Variants in RORA observed in about 807,000 individuals in gnomAD.
The protein encoded by RORA is RAR related orphan receptor A.
In RORA, 7 loss-of-function variants were observed where a neutral mutation model predicts 69.5. That is an observed-to-expected ratio of 0.10 (90% CI 0.06 to 0.19). RORA has a LOEUF of 0.19. Ranked by LOEUF, RORA falls within the 10% of genes least tolerant of loss-of-function variation. The pLI is 1.00. For missense variants in RORA, 457 were observed against 663.0 expected (o/e 0.69, Z 3.41); for synonymous variants, 261 against 240.8 (o/e 1.08, Z -0.78).
chr15:60,964,741 G>C lies in RORA; in HGVS notation c.166+264312C>G, dbSNP rs146335023. The stretch of plus-strand genomic sequence containing the variant: ...GAATGCACTGGGAGGAACTAGTTGA[G>C]AACACTGCTGTCTGTCTTCAATCAC... On this transcript the variant is annotated intron_variant, in intron 1 of 10. Coordinates refer to ENST00000335670, the MANE Select transcript of RORA (RefSeq NM_134261.3). 7.2e-5 allele frequency among the ~76,000 whole-genome samples: 11 copies of C among 152,316 alleles called. No individual in the cohort carries two copies. In the East Asian group the frequency reaches 1.2e-3, roughly 16 times the overall value.
chr15:61,050,582 A>G (rs1175147887), intron 1 of RORA, among the ~76,000 whole-genome samples: 1 of 152,186 alleles, frequency 6.6e-6, no homozygotes, highest in East Asian at 1.9e-4. Flanking sequence ...GGGGCAAGAG[A>G]TGTTCTAAAC....
chr15:60,659,381 G>A (rs542684850), intron 2 of RORA, among the ~76,000 whole-genome samples: 2 of 152,280 alleles, frequency 1.3e-5, no homozygotes, highest in African/African-American at 4.8e-5. Context: ...TCTAACATGG[G>A]AGGTGAAGTT....
chr15:60,512,622 A>G (rs2065739330), intron 4 of RORA, among the ~76,000 whole-genome samples: 1 of 152,138 alleles, frequency 6.6e-6, no homozygotes, highest in South Asian at 2.1e-4. Context: ...TGCTGTTCCC[A>G]TTTAGCCTCA....
chr15:61,144,918 C>T (rs892485880), intron 1 of RORA, among the ~76,000 whole-genome samples: 25 of 152,068 alleles, frequency 1.6e-4, no homozygotes, highest in African/African-American at 6.0e-4. Flanking sequence ...TATCCTTTTA[C>T]AGTATATTGA....
chr15:60,804,706 A>G (rs973035810), intron 1 of RORA, among the ~76,000 whole-genome samples: 1 of 152,232 alleles, frequency 6.6e-6, no homozygotes, highest in Non-Finnish European at 1.5e-5. Flanking sequence ...AGAATTACAT[A>G]TGTATGAGAT....
intron 1 of RORA, among the ~76,000 whole-genome samples, chr15:60,756,309 C>T (rs544180945): frequency 2.6e-5 from 4 of 152,270 alleles, no homozygotes; most frequent in Non-Finnish European, 5.9e-5. Context: ...AACTGAATGA[C>T]GAGGCAATTT....
At chr15:61,070,017 T>A (rs1426582007) in intron 1 of RORA, among the ~76,000 whole-genome samples, 2 of 152,222 alleles carry the variant, frequency 1.3e-5, no homozygotes, top group African/African-American at 4.8e-5. Flanking sequence ...AGTATGTTTA[T>A]TTTTTCTTCT....
chr15:60,556,628 T>C (rs1418415377), intron 2 of RORA, among the ~76,000 whole-genome samples: 9 of 152,190 alleles, frequency 5.9e-5, no homozygotes, highest in Non-Finnish European at 5.9e-5. Flanking sequence ...CTGTGGACCA[T>C]AACCCAAAGG....
At chr15:60,581,343 GT>G (rs1406000084) in intron 2 of RORA, among the ~76,000 whole-genome samples, 1 of 152,146 alleles carries the variant, frequency 6.6e-6, no homozygotes, top group Non-Finnish European at 1.5e-5. Flanking sequence ...AAATGCTTCT[GT>G]TTTACGAGAT....
chr15:60,619,622 T>C (rs886735446), intron 2 of RORA, among the ~76,000 whole-genome samples: 1 of 152,214 alleles, frequency 6.6e-6, no homozygotes, highest in Non-Finnish European at 1.5e-5. Context: ...TCTCATAGCA[T>C]TGAAATCTGT....
chr15:61,085,487 A>G (rs766708156), intron 1 of RORA, among the ~76,000 whole-genome samples: 62 of 152,330 alleles, frequency 4.1e-4, no homozygotes, highest in African/African-American at 1.2e-3. Flanking sequence ...ACCTTGTTAT[A>G]ACAGACTCGT....
At chr15:61,174,572 T>G (rs1369124006) in intron 1 of RORA, among the ~76,000 whole-genome samples, 1 of 152,242 alleles carries the variant, frequency 6.6e-6, no homozygotes, top group Non-Finnish European at 1.5e-5. Flanking sequence ...TATATCACTG[T>G]GTCAAAACTT....
chr15:60,582,796 A>G (rs2068230733), intron 2 of RORA, among the ~76,000 whole-genome samples: 1 of 152,230 alleles, frequency 6.6e-6, no homozygotes, highest in Non-Finnish European at 1.5e-5. Flanking sequence ...TTGGGAGCAG[A>G]TGACCTGTGA....
chr15:60,841,209 T>A, intron 1 of RORA: 1 of 387,376 alleles, frequency 2.6e-6, no homozygotes. Context: ...CAAACACTTC[T>A]CAGGTGGCTG....
At chr15:61,186,401 G>A (rs1341241625) in intron 1 of RORA, among the ~76,000 whole-genome samples, 1 of 151,988 alleles carries the variant, frequency 6.6e-6, no homozygotes, top group Non-Finnish European at 1.5e-5. Flanking sequence ...AGCACTTTGG[G>A]AGGCCAAGGT....
chr15:60,515,631 C>T lies in RORA; in HGVS notation c.283-874G>A, dbSNP rs180860185. On this transcript the variant is annotated intron_variant, in intron 3 of 10. Transcript: ENST00000335670. ...TAACAGCAACCCAAAAGCTTTACTA[C>T]GTAGTATTTTCATTCTCATTCAGTG... Among the ~76,000 whole-genome samples the T allele has an allele frequency of 3.4e-3, 522 of 151,592 alleles. 5 individuals are homozygous for T. The highest frequency in any genetic ancestry group is 0.012 in the African/African-American group (495 of 41,290).
At chr15:60,782,982 G>A (rs568163281) in intron 1 of RORA, among the ~76,000 whole-genome samples, 8 of 152,252 alleles carry the variant, frequency 5.3e-5, no homozygotes, top group East Asian at 3.9e-4. Context: ...GGGACTATAC[G>A]CTAAGGAAAT....
At chr15:61,100,532 C>T (rs1202127083) in intron 1 of RORA, among the ~76,000 whole-genome samples, 2 of 152,210 alleles carry the variant, frequency 1.3e-5, no homozygotes, top group Non-Finnish European at 2.9e-5. Context: ...CACTTCAGGG[C>T]TCCAGGGCTA....
At chr15:61,224,283 G>A (rs1488043024) in intron 1 of RORA, among the ~76,000 whole-genome samples, 6 of 152,206 alleles carry the variant, frequency 3.9e-5, no homozygotes, top group African/African-American at 9.6e-5. Flanking sequence ...GACAATGAAT[G>A]TGAACAGCCA....
Sources: allele counts gnomAD v4.1 joint callset (sites outside exome capture counted in the v4.1 genomes callset), GRCh38; gene constraint gnomAD v4.1.1; transcripts MANE v1.5; gene names NCBI Gene and HGNC (gene_info 2026-07-23, HGNC 2026-07-21).